GPC6: variants seen among roughly 807,000 people sequenced by gnomAD.
GPC6 encodes the protein glypican 6.
GPC6 carries 14 observed loss-of-function variants against 55.2 expected under a neutral mutation model. The ratio of observed to expected loss-of-function variants is 0.25; its 90% CI spans 0.17 to 0.40. The LOEUF is 0.40. Ranked by LOEUF, GPC6 falls within the 10% of genes least tolerant of loss-of-function variation. The probability of loss-of-function intolerance (pLI) is 1.00; values close to 1 mark genes in which losing one functional copy is unlikely to be tolerated. For synonymous variants in GPC6, 278 were observed against 259.6 expected (o/e 1.07, Z -0.68); for missense variants, 641 against 708.5 (o/e 0.90, Z 1.08).
At chr13:94,199,743 C>T (rs74105744) in intron 4 of GPC6, among the ~76,000 whole-genome samples, 3,357 of 152,304 alleles carry the variant, frequency 0.022, 67 homozygotes, top group African/African-American at 0.055. Flanking sequence ...AATGCTACCT[C>T]TTATTGGTTG....
intron 1 of GPC6, among the ~76,000 whole-genome samples, chr13:93,506,400 C>G: frequency 6.6e-6 from 1 of 152,150 alleles, no homozygotes; most frequent in East Asian, 1.9e-4. Context: ...AGTTCACTAA[C>G]TTGGTAGCTA....
rs576111602 is a variant in GPC6, at chr13:93,292,082, A to G, written c.160+64466A>G. Among the ~76,000 whole-genome samples the G allele has an allele frequency of 3.9e-5, 6 of 152,358 alleles. No individual in the cohort carries two copies. In the South Asian group the frequency reaches 1.0e-3, roughly 26 times the overall value. On this transcript the variant is annotated intron_variant, in intron 1 of 8. Coordinates refer to ENST00000377047, the MANE Select transcript of GPC6 (RefSeq NM_005708.5). ...TGTAAATGAGGGTTGACAGTATTTC[A>G]CAATGATAAATAAATCAAAAGGCAA... is the stretch of plus-strand genomic sequence containing the variant.
chr13:93,945,433 A>G (rs1878958997), intron 3 of GPC6, among the ~76,000 whole-genome samples: 1 of 152,196 alleles, frequency 6.6e-6, no homozygotes, highest in Non-Finnish European at 1.5e-5. Flanking sequence ...CTTTATAATT[A>G]AAAAATGGTG....
chr13:94,268,906 C>T (rs1285188254), intron 4 of GPC6, among the ~76,000 whole-genome samples: 3 of 152,124 alleles, frequency 2.0e-5, no homozygotes, highest in African/African-American at 2.4e-5. Flanking sequence ...GACATTTTAA[C>T]GTACTTACTA....
At chr13:93,873,986 T>C (rs1019651698) in intron 3 of GPC6, among the ~76,000 whole-genome samples, 1 of 152,006 alleles carries the variant, frequency 6.6e-6, no homozygotes, top group African/African-American at 2.4e-5. Flanking sequence ...GATTCTGCAG[T>C]AGCCTCCTAT....
intron 1 of GPC6, among the ~76,000 whole-genome samples, chr13:93,297,385 CA>C (rs1254708071): frequency 6.6e-6 from 1 of 152,108 alleles, no homozygotes; most frequent in Non-Finnish European, 1.5e-5. Flanking sequence ...TGCAGTACAC[CA>C]CCATGGCACA....
At chr13:94,132,913 A>G (rs1291536412) in intron 4 of GPC6, among the ~76,000 whole-genome samples, 1 of 152,148 alleles carries the variant, frequency 6.6e-6, no homozygotes, top group Admixed American at 6.6e-5. Context: ...ACATTAGAAG[A>G]CAATTGCAAA....
intron 3 of GPC6, among the ~76,000 whole-genome samples, chr13:93,878,670 T>C (rs1285244942): frequency 6.6e-6 from 1 of 152,012 alleles, no homozygotes; most frequent in Non-Finnish European, 1.5e-5. Context: ...GAGCCACCGC[T>C]CCTGGCCTAC....
chr13:93,612,391 A>C (rs193061654), intron 2 of GPC6, among the ~76,000 whole-genome samples: 1 of 151,870 alleles, frequency 6.6e-6, no homozygotes, highest in Non-Finnish European at 1.5e-5. Context: ...CCCAGCTACT[A>C]GGGAGGCTGA....
chr13:93,874,721 G>A (rs557069702), intron 3 of GPC6, among the ~76,000 whole-genome samples: 1 of 151,442 alleles, frequency 6.6e-6, no homozygotes, highest in East Asian at 2.0e-4. Context: ...CCTGACACAA[G>A]CTCTTGTCCT....
rs888696634 is a variant in GPC6, at chr13:94,051,927, T to C, written c.877+24033T>C. On this transcript the variant is annotated intron_variant, in intron 4 of 8. Coordinates refer to ENST00000377047, the MANE Select transcript of GPC6 (RefSeq NM_005708.5). ...ATATGAAAGTGTTTTGATTCAACAA[T>C]ATTCAGTAAATATCTAGAGTGCCTG... Among the ~76,000 whole-genome samples, 3 of 152,306 alleles carry C rather than the reference T, an allele frequency of 2.0e-5. No homozygotes were observed. The South Asian group carries it at 6.2e-4, about 32-fold the overall frequency.
chr13:93,866,358 A>T (rs915819215), intron 3 of GPC6, among the ~76,000 whole-genome samples: 3 of 151,728 alleles, frequency 2.0e-5, no homozygotes, highest in Non-Finnish European at 4.4e-5. Flanking sequence ...TAGGGTCCAG[A>T]AACATGTATC....
chr13:94,086,356 A>C (rs1012604166), intron 4 of GPC6, among the ~76,000 whole-genome samples: 3 of 152,158 alleles, frequency 2.0e-5, no homozygotes, highest in African/African-American at 7.2e-5. Flanking sequence ...CCTGTGGCTA[A>C]AATGAGATCG....
At chr13:93,852,292 C>T (rs181839519) in intron 3 of GPC6, among the ~76,000 whole-genome samples, 60 of 151,770 alleles carry the variant, frequency 4.0e-4, no homozygotes, top group Admixed American at 2.0e-3. Flanking sequence ...CTTTTGGAAA[C>T]GCATACTTTG....
At chr13:94,389,765 G>C (rs898215623) in intron 7 of GPC6, among the ~76,000 whole-genome samples, 2 of 151,800 alleles carry the variant, frequency 1.3e-5, no homozygotes, top group African/African-American at 4.9e-5. Context: ...GCCTTCAGAG[G>C]TCTTGAGTCA....
At chr13:94,334,187 C>T (rs1877563905) in intron 6 of GPC6, among the ~76,000 whole-genome samples, 1 of 152,218 alleles carries the variant, frequency 6.6e-6, no homozygotes, top group Admixed American at 6.5e-5. Context: ...TCTGTCACAG[C>T]CATTCAACTC....
In GPC6 at chr13:94,286,331, G is replaced by T. The variant is rs1237786762; in HGVS notation, c.878-18G>T. 2 of 1,613,418 alleles carry T rather than the reference G, an allele frequency of 1.2e-6. No homozygotes were observed. The highest frequency in any genetic ancestry group is 2.2e-5 in the South Asian group (2 of 91,062). ...AGCTCCCAGTTTGCAAATAAATCAT[G>T]TTCCTGTATTTTAACAGATGCAATG... On this transcript the variant is annotated intron_variant, in intron 4 of 8. Transcript: ENST00000377047.
chr13:93,958,351 CTTTG>C (rs1301021456), intron 3 of GPC6, among the ~76,000 whole-genome samples: 2 of 152,114 alleles, frequency 1.3e-5, no homozygotes, highest in African/African-American at 4.8e-5. Context: ...ACATTTAAAT[CTTTG>C]ATCTATCTCG....
chr13:93,846,674 C>T (rs1888192542), intron 3 of GPC6, among the ~76,000 whole-genome samples: 1 of 152,076 alleles, frequency 6.6e-6, no homozygotes, highest in Non-Finnish European at 1.5e-5. Flanking sequence ...ATTAGCCAGG[C>T]ATGATGGTGA....
Sources: allele counts gnomAD v4.1 joint callset (sites outside exome capture counted in the v4.1 genomes callset), GRCh38; gene constraint gnomAD v4.1.1; transcripts MANE v1.5; gene names NCBI Gene and HGNC (gene_info 2026-07-23, HGNC 2026-07-21).